BCR: variants seen among roughly 807,000 people sequenced by gnomAD.
BCR encodes BCR activator of RhoGEF and GTPase, also known as breakpoint cluster region protein.
In BCR, 58 loss-of-function variants were observed where a neutral mutation model predicts 138.6. The ratio of observed to expected loss-of-function variants is 0.42; its 90% CI spans 0.34 to 0.52. The LOEUF (loss-of-function observed/expected upper bound fraction) is 0.52, where lower values mean the gene tolerates loss of function less well. BCR is among the 20% of genes least tolerant of loss of function. The pLI is 0.06. For synonymous variants in BCR, 786 were observed against 730.1 expected (o/e 1.08, Z -1.23); for missense variants, 1,599 against 1,727.2 (o/e 0.93, Z 1.32).
chr22:23,250,237 G>A (rs1254012758), intron 1 of BCR, among the ~76,000 whole-genome samples: 2 of 152,238 alleles, frequency 1.3e-5, no homozygotes, highest in African/African-American at 2.4e-5. Flanking sequence ...TTACACGGGA[G>A]TCAGTGTAGT....
intron 12 of BCR, among the ~76,000 whole-genome samples, chr22:23,288,789 A>G (rs924662257): frequency 2.0e-5 from 3 of 152,100 alleles, no homozygotes; most frequent in Non-Finnish European, 4.4e-5. Context: ...TCCCTCTGTC[A>G]GGGCGCTCCT....
intron 4 of BCR, chr22:23,263,770 G>A: frequency 7.0e-7 from 1 of 1,422,652 alleles, no homozygotes; most frequent in South Asian, 1.1e-5. Context: ...ATCATTGTGA[G>A]TGGCTCCAGG....
intron 16 of BCR, among the ~76,000 whole-genome samples, chr22:23,299,649 CTGTAT>C (rs1315842570): frequency 1.9e-4 from 29 of 150,578 alleles, no homozygotes; most frequent in African/African-American, 6.9e-4. Context: ...AAACATACAT[CTGTAT>C]CTGTAAGTTA....
intron 1 of BCR, among the ~76,000 whole-genome samples, chr22:23,240,378 G>A (rs145621324): frequency 6.6e-5 from 10 of 151,686 alleles, no homozygotes; most frequent in African/African-American, 2.2e-4. Flanking sequence ...TAGGCCGGGC[G>A]CGGTGGCTCA....
chr22:23,262,868 C>T (rs777702317), intron 4 of BCR: 20 of 1,053,128 alleles, frequency 1.9e-5, no homozygotes, highest in Admixed American at 5.3e-5. Context: ...CCGCAGACGG[C>T]GAAGGAGGCA....
At chr22:23,262,720 TGAGGGCGGGGGC>T in intron 4 of BCR, 1 of 423,360 alleles carries the variant, frequency 2.4e-6, no homozygotes, top group Non-Finnish European at 3.0e-6. Context: ...CGGGCCCGGG[TGAGGGCGGGGGC>T]GGAGAGGCGA....
At chr22:23,240,177 A>G (rs2073073209) in intron 1 of BCR, among the ~76,000 whole-genome samples, 1 of 152,136 alleles carries the variant, frequency 6.6e-6, no homozygotes, top group Admixed American at 6.6e-5. Context: ...TTAACTTGGT[A>G]AAGACCCTAT....
At chr22:23,208,164 G>A (rs935300871) in intron 1 of BCR, among the ~76,000 whole-genome samples, 3 of 152,188 alleles carry the variant, frequency 2.0e-5, no homozygotes, top group African/African-American at 7.2e-5. Flanking sequence ...GGCTTGTGTG[G>A]GCAGCTGTTC....
chr22:23,247,015 C>A (rs558708411), intron 1 of BCR, among the ~76,000 whole-genome samples: 1 of 152,060 alleles, frequency 6.6e-6, no homozygotes, highest in East Asian at 1.9e-4. Flanking sequence ...GACTCTGCAC[C>A]CTTCATGAGA....
At chr22:23,185,495 C>G (rs1352331225) in intron 1 of BCR, among the ~76,000 whole-genome samples, 1 of 151,934 alleles carries the variant, frequency 6.6e-6, no homozygotes, top group South Asian at 2.1e-4. Context: ...GAAACCCCGT[C>G]TCTACTAAAA....
intron 1 of BCR, 81 bp downstream of exon 1, chr22:23,182,320 G>T (rs1170118556): frequency 2.8e-6 from 4 of 1,411,422 alleles, no homozygotes; most frequent in Non-Finnish European, 3.7e-6. Context: ...CAAAACAGAA[G>T]TTGGGAGGGA....
At chr22:23,221,640 G>T (rs990129805) in intron 1 of BCR, among the ~76,000 whole-genome samples, 2 of 152,240 alleles carry the variant, frequency 1.3e-5, no homozygotes, top group African/African-American at 2.4e-5. Context: ...ATTAGGTCTG[G>T]TAGGGGGCAG....
At chr22:23,206,867 C>T (rs1461532231) in intron 1 of BCR, among the ~76,000 whole-genome samples, 1 of 139,450 alleles carries the variant, frequency 7.2e-6, no homozygotes, top group Non-Finnish European at 1.5e-5. Context: ...ACCAGTCATA[C>T]AACCATCCAT....
intron 1 of BCR, among the ~76,000 whole-genome samples, chr22:23,245,109 T>G (rs1168750401): frequency 6.6e-6 from 1 of 152,146 alleles, no homozygotes; most frequent in Non-Finnish European, 1.5e-5. Flanking sequence ...TGATTCAGTC[T>G]CCAACCAGCT....
At chr22:23,197,067 G>A (rs1232209929) in intron 1 of BCR, among the ~76,000 whole-genome samples, 1 of 152,210 alleles carries the variant, frequency 6.6e-6, no homozygotes, top group Non-Finnish European at 1.5e-5. Flanking sequence ...TTATAATACA[G>A]TCATGCACCA....
intron 4 of BCR, 21 bp from the exon 5 acceptor site, chr22:23,268,387 C>T (rs753853491): frequency 1.2e-5 from 19 of 1,585,436 alleles, no homozygotes; most frequent in Non-Finnish European, 1.5e-5. Context: ...GTCCCACTCT[C>T]TCTTCCTTCC....
intron 1 of BCR, among the ~76,000 whole-genome samples, chr22:23,193,219 G>A (rs1601999035): frequency 2.0e-5 from 3 of 152,242 alleles, no homozygotes; most frequent in South Asian, 2.1e-4. Context: ...ATGAGCATTC[G>A]AAGCAACCTA....
intron 1 of BCR, among the ~76,000 whole-genome samples, chr22:23,247,064 C>G (rs1479160804): frequency 6.6e-6 from 1 of 152,188 alleles, no homozygotes; most frequent in East Asian, 1.9e-4. Context: ...CCAAGCCTCT[C>G]TGGAGGACAG....
chr22:23,268,658 G>C (rs2073473939), intron 5 of BCR, 143 bp downstream of exon 5: 1 of 789,576 alleles, frequency 1.3e-6, no homozygotes, highest in Non-Finnish European at 2.1e-6. Flanking sequence ...CGTTGCGTCA[G>C]CCCTGTGCTG....
Sources: gnomAD v4.1 joint callset for allele counts (sites outside exome capture counted in the v4.1 genomes callset) on GRCh38, gnomAD v4.1.1 for gene constraint, MANE v1.5 for transcripts, NCBI Gene and HGNC (gene_info 2026-07-23, HGNC 2026-07-21) for gene names.